Variants in HLCS observed in about 807,000 individuals in gnomAD.
The protein encoded by HLCS is holocarboxylase synthetase, also known as biotin--protein ligase.
HLCS carries 53 observed loss-of-function variants against 75.0 expected under a neutral mutation model. That is an observed-to-expected ratio of 0.71 (90% CI 0.57 to 0.89). The LOEUF (loss-of-function observed/expected upper bound fraction) is 0.89. Among genes scored for constraint, HLCS ranks in the 40% least tolerant of loss-of-function variants. The pLI is 0.00. For missense variants in HLCS, 966 were observed against 1,074.0 expected (o/e 0.90, Z 1.41); for synonymous variants, 431 against 428.6 (o/e 1.01, Z -0.07).
intron 4 of HLCS, among the ~76,000 whole-genome samples, chr21:36,934,566 C>T (rs993355418): frequency 6.6e-6 from 1 of 152,224 alleles, no homozygotes; most frequent in South Asian, 2.1e-4. Flanking sequence ...GTTTTCCCTG[C>T]AAACTTGATC....
At chr21:36,970,887 A>G (rs954058991), upstream of HLCS, among the ~76,000 whole-genome samples, 6 of 151,794 alleles carry the variant, frequency 4.0e-5, no homozygotes, top group African/African-American at 1.4e-4. Context: ...CCAGCTACTG[A>G]GGAGGCTGAG....
intron 5 of HLCS, among the ~76,000 whole-genome samples, chr21:36,898,788 C>CAGTG (rs2065119728): frequency 6.6e-6 from 1 of 152,124 alleles, no homozygotes; most frequent in South Asian, 2.1e-4. Context: ...GGGCCAGGCG[C>CAGTG]AGTGGCTCAC....
chr21:36,915,891 C>T (rs1476321663), intron 5 of HLCS, among the ~76,000 whole-genome samples: 1 of 152,056 alleles, frequency 6.6e-6, no homozygotes, highest in Non-Finnish European at 1.5e-5. Flanking sequence ...TCCCTGGGGT[C>T]TCTGGGGGCT....
At chr21:36,935,777 A>T (rs2066851260) in intron 4 of HLCS, among the ~76,000 whole-genome samples, 1 of 152,234 alleles carries the variant, frequency 6.6e-6, no homozygotes, top group Non-Finnish European at 1.5e-5. Context: ...GAAAAAGAAG[A>T]TGAGCCAAAG....
intron 6 of HLCS, among the ~76,000 whole-genome samples, chr21:36,778,190 T>C (rs112245914): frequency 0.02 from 2,992 of 152,174 alleles, 85 homozygotes; most frequent in African/African-American, 0.064. Flanking sequence ...AGGATGGTCT[T>C]GATCTCCTGC....
At chr21:36,808,623 C>T (rs2061425838) in intron 6 of HLCS, among the ~76,000 whole-genome samples, 2 of 152,176 alleles carry the variant, frequency 1.3e-5, no homozygotes, top group Middle Eastern at 6.8e-3. Flanking sequence ...TTATAAGCCT[C>T]GCAAGACAGT....
intron 6 of HLCS, among the ~76,000 whole-genome samples, chr21:36,809,546 C>G (rs886211828): frequency 4.6e-5 from 7 of 152,050 alleles, no homozygotes; most frequent in African/African-American, 1.7e-4. Context: ...TCCATTTTCT[C>G]TTTTTCCTCT....
rs2123520041 is a variant in HLCS, at chr21:36,748,750, TAAC to T, written c.*5493_*5495del. On this transcript the variant is annotated 3_prime_UTR_variant, in exon 11 of 11. Coordinates refer to ENST00000674895, the MANE Select transcript of HLCS (RefSeq NM_001352514.2). ...ACATAGGTGTGCTTCCCAAATACAT[TAAC>T]AAGCTCTTACTTCCCCCTAACCCCT... 1 of 152,746 alleles carries T rather than the reference TAAC, an allele frequency of 6.5e-6. No homozygotes were observed. The highest frequency in any genetic ancestry group is 1.9e-4 in the East Asian group (1 of 5,194). The allele number at this position is 152,746 out of a possible 1,614,324, so 9.5% of individuals were successfully genotyped here. A position where few individuals can be genotyped will look rare whatever the true frequency, so the allele number is the denominator to read the frequency against.
chr21:36,896,784 C>A (rs1706601462), intron 6 of HLCS, 76 bp downstream of exon 6: 2 of 1,520,330 alleles, frequency 1.3e-6, no homozygotes, highest in Admixed American at 3.3e-5. Context: ...TCTATCCCCT[C>A]CCCGTCTATT....
intron 2 of HLCS, among the ~76,000 whole-genome samples, chr21:36,942,081 G>C (rs1448888391): frequency 6.6e-6 from 1 of 151,044 alleles, no homozygotes; most frequent in Non-Finnish European, 1.5e-5. Flanking sequence ...CTGAAGCTAG[G>C]AGAATTGCTT....
At position 36,757,510 on chromosome 21, in the gene HLCS, AGGTCTTC is replaced by A. The variant is rs2089650449; in HGVS notation, c.2237-762_2237-756del. On this transcript the variant is annotated intron_variant, in intron 9 of 10. Coordinates refer to ENST00000674895, the MANE Select transcript of HLCS (RefSeq NM_001352514.2). ...GCAGGGCCCTGAATCGGCCTGCGAG[AGGTCTTC>A]AGTAAGAAATGAAATACTGCAAAAA... Among the ~76,000 whole-genome samples the A allele has an allele frequency of 2.0e-5, 3 of 152,186 alleles. No individual in the cohort carries two copies. The South Asian group carries it at 6.2e-4, about 31-fold the overall frequency.
intron 6 of HLCS, among the ~76,000 whole-genome samples, chr21:36,850,885 C>A (rs2062976897): frequency 6.6e-6 from 1 of 152,104 alleles, no homozygotes; most frequent in African/African-American, 2.4e-5. Context: ...TACAAGCCAG[C>A]CAGGGAAGCA....
chr21:36,796,157 TAAAA>T (rs902675694), intron 6 of HLCS, among the ~76,000 whole-genome samples: 9 of 152,174 alleles, frequency 5.9e-5, no homozygotes, highest in African/African-American at 2.2e-4. Flanking sequence ...GACAAGAAAA[TAAAA>T]AACCCCAAAC....
chr21:36,761,703 G>A (rs533061844), intron 8 of HLCS, among the ~76,000 whole-genome samples: 2 of 152,302 alleles, frequency 1.3e-5, no homozygotes, highest in East Asian at 3.9e-4. Context: ...GCACTGGGCT[G>A]AGAAAGTCTC....
intron 6 of HLCS, among the ~76,000 whole-genome samples, chr21:36,848,552 G>A (rs1404190109): frequency 6.6e-6 from 1 of 152,098 alleles, no homozygotes; most frequent in Non-Finnish European, 1.5e-5. Context: ...ACAGGCTTGA[G>A]CCACCGCGCC....
chr21:36,824,236 T>C (rs2061939697), intron 6 of HLCS, among the ~76,000 whole-genome samples: 1 of 152,214 alleles, frequency 6.6e-6, no homozygotes, highest in African/African-American at 2.4e-5. Flanking sequence ...GTGGCATATA[T>C]ACACCATGTA....
In HLCS at chr21:36,841,908, T is replaced by C. The variant is rs143203556; in HGVS notation, c.1892+54952A>G. Among the ~76,000 whole-genome samples the C allele has an allele frequency of 3.0e-3, 459 of 152,260 alleles. 2 individuals carry two copies. The highest frequency in any genetic ancestry group is 5.1e-3 in the Non-Finnish European group (349 of 68,020). ...ACCCTCAGCTGTCATCCACAGCTCA[T>C]TGGAAAACTGCTAGGTAGGACCCAC... On this transcript the variant is annotated intron_variant, in intron 6 of 10. Transcript: ENST00000674895.
intron 6 of HLCS, among the ~76,000 whole-genome samples, chr21:36,777,985 T>C (rs145943236): frequency 0.012 from 1,811 of 152,358 alleles, 33 homozygotes; most frequent in African/African-American, 0.037. Flanking sequence ...TTTATTTTTT[T>C]GGAGACACAG....
In HLCS at chr21:36,936,843, A is replaced by C. The variant is rs755267718; in HGVS notation, c.1043T>G (p.Leu348Arg). ...CGGGTCTCTGAGAGCACTGTCCTCC[A>C]GCAGGTGGTAGAGAATATAACTGTC... ...DIDSYILYHL[L>R]EDSALRDPWT... The change falls in exon 4 of 11, where the codon CTG becomes CGG. Residue 348 changes from leucine to arginine, a missense_variant. Coordinates refer to ENST00000674895, the MANE Select transcript of HLCS (RefSeq NM_001352514.2). The C allele has an allele frequency of 6.2e-6, 10 of 1,614,180 alleles. No homozygotes were observed. The highest frequency in any genetic ancestry group is 3.4e-6 in the Non-Finnish European group (4 of 1,180,040).
Sources: gnomAD v4.1 joint callset for allele counts (sites outside exome capture counted in the v4.1 genomes callset) on GRCh38, gnomAD v4.1.1 for gene constraint, MANE v1.5 for transcripts, NCBI Gene and HGNC (gene_info 2026-07-23, HGNC 2026-07-21) for gene names.